MLLT10: variants seen among roughly 807,000 people sequenced by gnomAD.
MLLT10 encodes protein AF-10.
A neutral mutation model predicts 129.1 loss-of-function variants in MLLT10; 30 were observed. The ratio of observed to expected loss-of-function variants is 0.23; its 90% CI spans 0.17 to 0.32. The LOEUF (loss-of-function observed/expected upper bound fraction) is 0.32. Ranked by LOEUF, MLLT10 falls within the 10% of genes least tolerant of loss-of-function variation. The pLI is 1.00. For missense variants in MLLT10, 1,119 were observed against 1,268.3 expected, an observed-to-expected ratio of 0.88 and a Z score of 1.79; for synonymous variants, 490 against 446.4, an observed-to-expected ratio of 1.10 and a Z score of -1.23.
intron 13 of MLLT10, among the ~76,000 whole-genome samples, chr10:21,711,380 C>G (rs904913982): frequency 1.3e-5 from 2 of 151,626 alleles, no homozygotes; most frequent in Non-Finnish European, 2.9e-5. Flanking sequence ...CGAGATTGCA[C>G]CACTGCACTC....
rs576148952 is a variant in MLLT10 at position 21,562,604 on chromosome 10, C to T, written c.241-23690C>T. ...CCACCTGCCTCAGCCTCCCAAAGTG[C>T]TGGGATTACAGGTGTGAGCCACCAC... On this transcript the variant is annotated intron_variant, in intron 3 of 22. Coordinates refer to ENST00000307729, the MANE Select transcript of MLLT10 (RefSeq NM_001195626.3). Among the ~76,000 whole-genome samples, 5 of 152,164 alleles carry T rather than the reference C, an allele frequency of 3.3e-5. No homozygotes were observed. In the East Asian group the frequency reaches 9.7e-4, roughly 29 times the overall value.
chr10:21,740,445 C>A (rs2058732480), intron 22 of MLLT10, among the ~76,000 whole-genome samples: 1 of 152,176 alleles, frequency 6.6e-6, no homozygotes, highest in South Asian at 2.1e-4. Flanking sequence ...GGTTTGAAGG[C>A]TGTTTTGTAA....
At chr10:21,693,001 T>C (rs1377072910) in intron 13 of MLLT10, among the ~76,000 whole-genome samples, 1 of 152,152 alleles carries the variant, frequency 6.6e-6, no homozygotes, top group African/African-American at 2.4e-5. Flanking sequence ...TTTAATCTTT[T>C]TAAAGAAACA....
intron 3 of MLLT10, among the ~76,000 whole-genome samples, chr10:21,578,177 G>A (rs1309177553): frequency 6.6e-6 from 1 of 152,226 alleles, no homozygotes; most frequent in Non-Finnish European, 1.5e-5. Flanking sequence ...TTACAGGCGT[G>A]AGCCACTGCA....
chr10:21,628,740 CTTTTT>C (rs1161362725), intron 8 of MLLT10, among the ~76,000 whole-genome samples: 19 of 99,352 alleles, frequency 1.9e-4, no homozygotes, highest in African/African-American at 8.6e-4. Context: ...TGTGCCCTGC[CTTTTT>C]TTTTTTTTTT....
intron 3 of MLLT10, among the ~76,000 whole-genome samples, chr10:21,568,527 T>C (rs2039844305): frequency 2.0e-5 from 3 of 152,234 alleles, no homozygotes; most frequent in African/African-American, 7.2e-5. Context: ...TTTTCTAATA[T>C]AGTCATGTAA....
At position 21,567,366 on chromosome 10, in the gene MLLT10, AC is replaced by A. The variant is rs750955013; in HGVS notation, c.241-18926del. On this transcript the variant is annotated intron_variant, in intron 3 of 22. Coordinates refer to ENST00000307729, the MANE Select transcript of MLLT10 (RefSeq NM_001195626.3). ...GCAGAATTGGGAGTTGTGGCTCTCT[AC>A]CTGATCTCTGTGGTGGATGTGGCCT... 2.7e-5 allele frequency among the ~76,000 whole-genome samples: 4 copies of A among 150,446 alleles called. No homozygotes were observed. In the East Asian group the frequency reaches 7.8e-4, roughly 29 times the overall value.
chr10:21,650,123 G>C (rs2048877279), intron 8 of MLLT10, among the ~76,000 whole-genome samples: 1 of 152,232 alleles, frequency 6.6e-6, no homozygotes, highest in East Asian at 1.9e-4. Flanking sequence ...TGTAGTCCCA[G>C]CTACTCGGGA....
rs559833261 is a variant in MLLT10 at position 21,547,859 on chromosome 10, C to G, written c.240+8947C>G. ...TCTTATTTTGAATCTTCTAAATAAT[C>G]GTGTGTTTTAAAAAAATAGTTATTT... is the stretch of plus-strand genomic sequence containing the variant. On this transcript the variant is annotated intron_variant, in intron 3 of 22. Coordinates refer to ENST00000307729, the MANE Select transcript of MLLT10 (RefSeq NM_001195626.3). Among the ~76,000 whole-genome samples, 4 of 152,084 alleles carry G rather than the reference C, an allele frequency of 2.6e-5. No individual in the cohort carries two copies. The South Asian group carries it at 8.3e-4, about 32-fold the overall frequency.
At chr10:21,608,019 C>CAA (rs2044234864) in intron 5 of MLLT10, among the ~76,000 whole-genome samples, 1 of 139,330 alleles carries the variant, frequency 7.2e-6, no homozygotes, top group African/African-American at 2.7e-5. Context: ...TTTTTTTTTT[C>CAA]TTCTTTTTTT....
At position 21,734,144 on chromosome 10, in the gene MLLT10, T is replaced by C. The variant is rs890953174; in HGVS notation, c.2858+15T>C. ...CTGACTAACAGGTAAGAAACTTAAG[T>C]ATGTTTTGGGTTTTTTAGTATAACA... On this transcript the variant is annotated intron_variant, in intron 20 of 22. Transcript: ENST00000307729. The C allele has an allele frequency of 6.3e-7, 1 of 1,577,380 alleles. No homozygotes were observed.
chr10:21,704,016 G>GTTTTTTTTTTTTTTTTT (rs60982595), intron 13 of MLLT10, among the ~76,000 whole-genome samples: 16 of 56,634 alleles, frequency 2.8e-4, no homozygotes, highest in South Asian at 9.4e-4. Flanking sequence ...ATTGTTTTTT[G>GTTTTTTTTTTTTTTTTT]TTTTTTTTTT....
chr10:21,669,971 C>T (rs1293672503), intron 9 of MLLT10, among the ~76,000 whole-genome samples: 1 of 151,922 alleles, frequency 6.6e-6, no homozygotes, highest in African/African-American at 2.4e-5. Context: ...AAAAGTTTTG[C>T]TCTGTCCTCC....
chr10:21,595,567 C>A (rs2042952393), intron 5 of MLLT10, 127 bp downstream of exon 5: 1 of 631,712 alleles, frequency 1.6e-6, no homozygotes, highest in African/African-American at 1.8e-5. Context: ...ATTACTACTC[C>A]AAACTGCAGT....
At chr10:21,638,989 C>T (rs1234209582) in intron 8 of MLLT10, among the ~76,000 whole-genome samples, 1 of 152,152 alleles carries the variant, frequency 6.6e-6, no homozygotes, top group Non-Finnish European at 1.5e-5. Context: ...AATGAAGACC[C>T]ATTAACTGCC....
At chr10:21,608,947 T>C (rs1007130417) in intron 5 of MLLT10, among the ~76,000 whole-genome samples, 4 of 152,242 alleles carry the variant, frequency 2.6e-5, no homozygotes, top group Admixed American at 1.3e-4. Flanking sequence ...TGAATACCTA[T>C]TTTAGGTAAT....
rs775505189 is a variant in MLLT10, at chr10:21,735,243, C to T, written c.2955+8C>T. The T allele has an allele frequency of 6.3e-7, 1 of 1,591,194 alleles. No individual in the cohort carries two copies. The highest frequency in any genetic ancestry group is 1.1e-5 in the South Asian group (1 of 90,328). ...TCTCAACAGCTCACACCAGTAAGTT[C>T]TTTCTTTTGATAATATCTTATTAGG... On this transcript the variant is annotated splice_region_variant and intron_variant, in intron 21 of 22. Transcript: ENST00000307729.
intron 13 of MLLT10, among the ~76,000 whole-genome samples, chr10:21,692,256 A>G (rs1212644304): frequency 6.6e-6 from 1 of 152,030 alleles, no homozygotes; most frequent in South Asian, 2.1e-4. Flanking sequence ...GACTAGACAT[A>G]CAGAGATATT....
chr10:21,673,315 C>CCA (rs766865574), intron 10 of MLLT10, 35 bp from the exon 11 acceptor site: 8 of 616,704 alleles, frequency 1.3e-5, no homozygotes, highest in African/African-American at 2.2e-5. Context: ...CCCCACCCCC[C>CCA]AACTTTTTTT....
Sources: gnomAD v4.1 joint callset for allele counts (sites outside exome capture counted in the v4.1 genomes callset) on GRCh38, gnomAD v4.1.1 for gene constraint, MANE v1.5 for transcripts, NCBI Gene and HGNC (gene_info 2026-07-23, HGNC 2026-07-21) for gene names.